The following OR13A1 variants were observed in gnomAD, a reference collection of about 807,000 sequenced individuals.
The protein encoded by OR13A1 is olfactory receptor family 13 subfamily A member 1, also known as olfactory receptor 13A1.
A neutral mutation model predicts 7.5 loss-of-function variants in OR13A1; 10 were observed. The observed-to-expected ratio is 1.34, with a 90% CI of 0.83 to 2.27. The LOEUF is 2.27. OR13A1 is among the 30% of genes most tolerant of loss of function. The pLI, the probability that OR13A1 is intolerant of heterozygous loss-of-function variation, is 0.00. For missense variants in OR13A1, 509 were observed against 419.1 expected, an observed-to-expected ratio of 1.21 and a Z score of -1.87; for synonymous variants, 238 against 177.9, an observed-to-expected ratio of 1.34 and a Z score of -2.69.
intron 1 of OR13A1, among the ~76,000 whole-genome samples, chr10:45,312,352 A>T (rs1390034017): frequency 6.6e-6 from 1 of 152,106 alleles, no homozygotes; most frequent in Admixed American, 6.5e-5. Context: ...CAGGCAGAGT[A>T]AAAAGGCACA....
At chr10:45,308,497 A>G (rs947655889) in intron 1 of OR13A1, among the ~76,000 whole-genome samples, 7 of 152,032 alleles carry the variant, frequency 4.6e-5, no homozygotes, top group Non-Finnish European at 8.8e-5. Flanking sequence ...TAAACCCTAA[A>G]CTCTCAGCCA....
Position 45,304,296 on chromosome 10 carries a change from C to G in OR13A1, c.127G>C (p.Val43Leu). 1.2e-6 allele frequency: 2 copies of G among 1,614,144 alleles called. No individual in the cohort carries two copies. Among genetic ancestry groups the G allele is most frequent in the Non-Finnish European group, 1.7e-6 (2 of 1,180,024 alleles). The stretch of plus-strand genomic sequence containing the variant: ...AAGAGGAAACAGCTGAATAAGAACA[C>G]CCGGTATTCTGGGTGCTCCGAAAAG... ...QGFSEHPEYRVFLFSCFLFLY... is the reference protein window; with the variant it reads ...QGFSEHPEYRLFLFSCFLFLY... The change falls in exon 4 of 4, where the codon GTG becomes CTG. Residue 43 changes from valine (V) to leucine (L), a missense_variant. By Grantham distance (32) the Val-to-Leu change is conservative. Transcript: ENST00000553795.
rs867374156 is a variant in OR13A1 at position 45,303,591 on chromosome 10, T to C, written c.832A>G (p.Ile278Val). ...MYYTAVFYAY[I>V]SPVSGYSAGK... is the part of the protein sequence containing the mutation. ...GCGCTGTAGCCAGAGACCGGGCTTATGTAGGCGTAGAAGACAGCGGTGTAA... is the reference window on the plus strand; with the variant it reads ...GCGCTGTAGCCAGAGACCGGGCTTACGTAGGCGTAGAAGACAGCGGTGTAA... The change falls in exon 4 of 4, where the codon ATA becomes GTA. Residue 278 changes from isoleucine to valine, a missense_variant. Physicochemically the swap from Ile to Val is conservative, Grantham distance 29. Transcript: ENST00000553795. The C allele has an allele frequency of 1.9e-6, 3 of 1,614,066 alleles. No homozygotes were observed. Among genetic ancestry groups the C allele is most frequent in the East Asian group, 2.2e-5 (1 of 44,872 alleles).
intron 3 of OR13A1, among the ~76,000 whole-genome samples, chr10:45,304,778 G>A (rs765672779): frequency 3.3e-5 from 5 of 152,042 alleles, no homozygotes; most frequent in African/African-American, 4.8e-5. Flanking sequence ...CATTTGAGCC[G>A]GAACTTCCTC....
chr10:45,303,623 C>T lies in OR13A1; in HGVS notation c.800G>A (p.Cys267Tyr), dbSNP rs746698980. The T allele has an allele frequency of 6.8e-6, 11 of 1,614,056 alleles. No individual in the cohort carries two copies. In the South Asian group the frequency reaches 1.1e-4, roughly 16 times the overall value. The change falls in exon 4 of 4, where the codon TGC (cysteine) becomes TAC (tyrosine). Residue 267 changes from cysteine to tyrosine, a missense_variant. Physicochemically the swap from Cys to Tyr is radical, Grantham distance 194. Coordinates refer to ENST00000553795, the MANE Select transcript of OR13A1 (RefSeq NM_001004297.3). ...STCSSHLTVV[C>Y]MYYTAVFYAY... is the part of the protein sequence containing the mutation. ...GTAGAAGACAGCGGTGTAATACATGCACACCACGGTGAGGTGGGAAGAGCA... is the reference window on the plus strand; with the variant it reads ...GTAGAAGACAGCGGTGTAATACATGTACACCACGGTGAGGTGGGAAGAGCA...
rs1275535329 is a variant in OR13A1 at position 45,304,159 on chromosome 10, G to A, written c.264C>T (p.Asp88=). The part of the protein sequence containing the change: ...YFFLLNLATM[D]IICTSSIMPK... ...GCATGATGGAAGAGGTGCAGATAAT[G>A]TCCATAGTAGCCAAGTTGAGTAAGA... Residue 88 remains aspartate, a synonymous_variant, in exon 4 of 4, where the codon GAC becomes GAT. Transcript: ENST00000553795. The A allele has an allele frequency of 1.9e-6, 3 of 1,614,118 alleles. No individual in the cohort carries two copies. Among genetic ancestry groups the A allele is most frequent in the African/African-American group, 1.3e-5 (1 of 74,948 alleles).
At position 45,304,200 on chromosome 10, in the gene OR13A1, C is replaced by G; in HGVS notation, c.223G>C (p.Ala75Pro). The G allele has an allele frequency of 6.2e-7, 1 of 1,614,114 alleles. No individual in the cohort carries two copies. Among genetic ancestry groups the G allele is most frequent in the South Asian group, 1.1e-5 (1 of 91,066 alleles). ...TTGAGTAAGAAAAAGTACATAGGAGCGTGGAGCCCAGGGTTGAACGTGATG... is the reference window on the plus strand; with the variant it reads ...TTGAGTAAGAAAAAGTACATAGGAGGGTGGAGCCCAGGGTTGAACGTGATG... ...LAITFNPGLH[A>P]PMYFFLLNLA... is the part of the protein sequence containing the mutation. Residue 75 changes from alanine to proline, a missense_variant, in exon 4 of 4, where the codon GCT becomes CCT. By Grantham distance (27) the Ala-to-Pro change is conservative (BLOSUM62 -1). Coordinates refer to ENST00000553795, the MANE Select transcript of OR13A1 (RefSeq NM_001004297.3).
intron 1 of OR13A1, among the ~76,000 whole-genome samples, chr10:45,309,903 T>C (rs1638431395): frequency 6.6e-6 from 1 of 152,194 alleles, no homozygotes; most frequent in East Asian, 1.9e-4. Context: ...TATAAGTCCG[T>C]AGTCTCTCTG....
At chr10:45,306,452 CAAA>C (rs10550417) in intron 3 of OR13A1, among the ~76,000 whole-genome samples, 85 of 134,140 alleles carry the variant, frequency 6.3e-4, no homozygotes, top group Admixed American at 8.1e-4. Flanking sequence ...GACTCCGTCT[CAAA>C]AAAAAAAAAA....
Position 45,303,750 on chromosome 10 carries a change from C to G in OR13A1, c.673G>C (p.Gly225Arg), listed in dbSNP as rs777258483. 18 of 1,613,976 alleles carry G rather than the reference C, an allele frequency of 1.1e-5. No individual in the cohort carries two copies. Among genetic ancestry groups the G allele is most frequent in the Admixed American group, 1.7e-5 (1 of 60,002 alleles). The change falls in exon 4 of 4, where the codon GGC becomes CGC. Residue 225 changes from glycine to arginine, a missense_variant. Transcript: ENST00000553795. Reference sequence around the variant, plus strand: ...ATGGTCATCAGGAAGTTCACTATGCCGTAGAAAGCATCCGCCAGGACAATC... The same window carrying G: ...ATGGTCATCAGGAAGTTCACTATGCGGTAGAAAGCATCCGCCAGGACAATC... The part of the protein sequence containing the change: ...VMIVLADAFY[G>R]IVNFLMTIAS...
chr10:45,302,698 CAG>C lies in OR13A1; in HGVS notation c.*736_*737del, dbSNP rs1388145920. 1 of 152,136 alleles carries C rather than the reference CAG, an allele frequency of 6.6e-6. No homozygotes were observed. Among genetic ancestry groups the C allele is most frequent in the Non-Finnish European group, 1.5e-5 (1 of 68,012 alleles). 9.4% of individuals were successfully genotyped at this position (152,136 alleles called of 1,614,324 possible). ...GCACAAGACCTGTCTTTATTAGACACAGAGGATTCGTTCACCCAGTTTTATCT... is the reference window on the plus strand; with the variant it reads ...GCACAAGACCTGTCTTTATTAGACACAGGATTCGTTCACCCAGTTTTATCT... On this transcript the variant is annotated 3_prime_UTR_variant, in exon 4 of 4. Transcript: ENST00000553795.
intron 1 of OR13A1, among the ~76,000 whole-genome samples, chr10:45,312,873 A>T (rs916151897): frequency 5.3e-5 from 8 of 152,110 alleles, no homozygotes; most frequent in African/African-American, 1.7e-4. Context: ...GATGAACAAA[A>T]ACTGGGGAGT....
In OR13A1 at chr10:45,303,400, G is replaced by A. The variant is rs139384940; in HGVS notation, c.*36C>T. The A allele has an allele frequency of 3.1e-3, 4,766 of 1,545,234 alleles. 18 individuals are homozygous for A. The highest frequency in any genetic ancestry group is 3.3e-3 in the South Asian group (262 of 79,298). ...TTGCTCATCAGACTCCACTAAAACT[G>A]CAGTCTCCAAGGACAAAAACTTCAG... On this transcript the variant is annotated 3_prime_UTR_variant, in exon 4 of 4. Transcript: ENST00000553795.
At chr10:45,314,723 A>G (rs1265219249) in intron 1 of OR13A1, among the ~76,000 whole-genome samples, 1 of 152,176 alleles carries the variant, frequency 6.6e-6, no homozygotes, top group Non-Finnish European at 1.5e-5. Context: ...AATAAAAAAG[A>G]GAACATTAGA....
chr10:45,308,275 T>C (rs1838377211), intron 1 of OR13A1, among the ~76,000 whole-genome samples: 1 of 152,242 alleles, frequency 6.6e-6, no homozygotes, highest in African/African-American at 2.4e-5. Flanking sequence ...GTCATAAATG[T>C]ATCTAAATAA....
intron 3 of OR13A1, among the ~76,000 whole-genome samples, chr10:45,305,743 C>G (rs1376561543): frequency 2.0e-5 from 3 of 152,182 alleles, no homozygotes; most frequent in African/African-American, 7.2e-5. Flanking sequence ...TCTTCCCACT[C>G]CCTGAGCCAG....
chr10:45,314,555 C>T (rs1181417455), intron 1 of OR13A1, among the ~76,000 whole-genome samples: 2 of 149,972 alleles, frequency 1.3e-5, no homozygotes, highest in East Asian at 1.9e-4. Context: ...GAGGAAAATC[C>T]TAAAGATTAG....
chr10:45,304,954 T>A (rs1417691333), intron 3 of OR13A1, among the ~76,000 whole-genome samples: 1 of 152,098 alleles, frequency 6.6e-6, no homozygotes, highest in Non-Finnish European at 1.5e-5. Context: ...TTTGGAAGTG[T>A]TTTACTGATG....
intron 1 of OR13A1, among the ~76,000 whole-genome samples, chr10:45,314,019 C>A (rs1440286583): frequency 6.6e-6 from 1 of 152,130 alleles, no homozygotes; most frequent in South Asian, 2.1e-4. Context: ...CACAAAAAAA[C>A]TTGTAACAAA....
Sources: allele counts gnomAD v4.1 joint callset (sites outside exome capture counted in the v4.1 genomes callset), GRCh38; gene constraint gnomAD v4.1.1; transcripts MANE v1.5; gene names NCBI Gene and HGNC (gene_info 2026-07-23, HGNC 2026-07-21).